The following FDFT1 variants were observed in gnomAD, a reference collection of about 807,000 sequenced individuals.
FDFT1 encodes the protein farnesyl-diphosphate farnesyltransferase 1.
FDFT1 carries 68 observed loss-of-function variants against 46.8 expected under a neutral mutation model. That is an observed-to-expected ratio of 1.45 (90% confidence interval 1.19 to 1.78). The LOEUF is 1.78. Among genes scored for constraint, FDFT1 ranks in the 40% most tolerant of loss-of-function variants. The pLI is 0.00. For synonymous variants in FDFT1, 351 were observed against 185.1 expected (o/e 1.90, Z -7.28); for missense variants, 928 against 524.4 (o/e 1.77, Z -7.52).
chr8:11,808,243 G>A (rs946801919), intron 1 of FDFT1: 3 of 1,200,278 alleles, frequency 2.5e-6, no homozygotes, highest in Admixed American at 4.4e-5. Context: ...TTTGGTCTAG[G>A]GAGACTCTGT....
chr8:11,808,507 C>A, intron 1 of FDFT1: 1 of 1,329,904 alleles, frequency 7.5e-7, no homozygotes, highest in South Asian at 2.1e-5. Flanking sequence ...TCCGCGGGGT[C>A]CGCGATTCCC....
intron 5 of FDFT1, among the ~76,000 whole-genome samples, chr8:11,828,565 C>A (rs1286792481): frequency 6.6e-6 from 1 of 152,250 alleles, no homozygotes; most frequent in East Asian, 1.9e-4. Context: ...ACATCAGCCA[C>A]GGGCATGTGA....
At chr8:11,800,421 A>G (rs1184030383), upstream of FDFT1, among the ~76,000 whole-genome samples, 3 of 151,842 alleles carry the variant, frequency 2.0e-5, no homozygotes, top group East Asian at 5.8e-4. Flanking sequence ...TGACTCGTCC[A>G]CCCCACTGCT....
intron 5 of FDFT1, among the ~76,000 whole-genome samples, chr8:11,829,968 C>G (rs1050066493): frequency 1.3e-5 from 2 of 152,192 alleles, no homozygotes; most frequent in Non-Finnish European, 2.9e-5. Context: ...CTGTCTCACC[C>G]TCCTGAGTAG....
At chr8:11,828,744 G>A (rs890470235) in intron 5 of FDFT1, among the ~76,000 whole-genome samples, 17 of 152,244 alleles carry the variant, frequency 1.1e-4, no homozygotes, top group East Asian at 3.8e-4. Context: ...TGGACATTTC[G>A]TAGTAGTTGA....
At chr8:11,799,993 G>A (rs1246408600), upstream of FDFT1, among the ~76,000 whole-genome samples, 3 of 149,850 alleles carry the variant, frequency 2.0e-5, no homozygotes, top group African/African-American at 7.4e-5. Flanking sequence ...GCTGGGCGCA[G>A]TGGCTTGCCT....
At chr8:11,825,118 G>A (rs1010829197) in intron 4 of FDFT1, among the ~76,000 whole-genome samples, 7 of 152,192 alleles carry the variant, frequency 4.6e-5, no homozygotes, top group African/African-American at 7.2e-5. Flanking sequence ...GAGGGCCTGC[G>A]GATCTTGACA....
At chr8:11,829,485 C>T (rs1306282881) in intron 5 of FDFT1, among the ~76,000 whole-genome samples, 1 of 152,236 alleles carries the variant, frequency 6.6e-6, no homozygotes, top group Non-Finnish European at 1.5e-5. Context: ...CAGCAGCTTT[C>T]TTACCAGAGT....
intron 1 of FDFT1, among the ~76,000 whole-genome samples, chr8:11,804,897 C>A (rs1806626023): frequency 6.8e-6 from 1 of 147,140 alleles, no homozygotes; most frequent in South Asian, 2.2e-4. Context: ...GCGTGAGCCA[C>A]TGCACCCGGC....
intron 1 of FDFT1, 147 bp downstream of exon 1, chr8:11,803,078 C>G (rs1319577093): frequency 1.4e-6 from 2 of 1,446,558 alleles, no homozygotes; most frequent in South Asian, 2.9e-5. Flanking sequence ...TTCCTCGAGC[C>G]TTCCCCCTGT....
At chr8:11,837,298 T>G (rs898857655) in intron 7 of FDFT1, among the ~76,000 whole-genome samples, 2 of 152,224 alleles carry the variant, frequency 1.3e-5, no homozygotes, top group Non-Finnish European at 2.9e-5. Flanking sequence ...TGGCATGATC[T>G]CGGATCACTG....
intron 1 of FDFT1, among the ~76,000 whole-genome samples, chr8:11,807,709 T>C (rs1807044005): frequency 6.6e-6 from 1 of 152,172 alleles, no homozygotes; most frequent in South Asian, 2.1e-4. Context: ...TAGGGAAGAG[T>C]AAAGGTCAGT....
intron 1 of FDFT1, chr8:11,808,015 G>C (rs1807085158): frequency 6.5e-6 from 1 of 153,540 alleles, no homozygotes; most frequent in Non-Finnish European, 1.4e-5. Flanking sequence ...GTGCATTCTT[G>C]CTGAAGGCAG....
chr8:11,821,719 G>A (rs778726479), intron 3 of FDFT1, 31 bp from the exon 4 acceptor site: 12 of 1,610,020 alleles, frequency 7.5e-6, no homozygotes, highest in Non-Finnish European at 1.0e-5. Context: ...CATATTTCAT[G>A]ATTTCTGTGT....
intron 3 of FDFT1, among the ~76,000 whole-genome samples, chr8:11,814,789 A>G (rs537456941): frequency 1.3e-5 from 2 of 150,464 alleles, no homozygotes; most frequent in East Asian, 3.9e-4. Flanking sequence ...CATAATATAA[A>G]TTGGGTAACT....
chr8:11,805,531 T>C (rs1460901674), intron 1 of FDFT1, among the ~76,000 whole-genome samples: 8 of 152,226 alleles, frequency 5.3e-5, no homozygotes, highest in African/African-American at 1.9e-4. Context: ...CGCTATTAAG[T>C]TAGGTGAACA....
chr8:11,807,337 C>CT (rs1055177138), intron 1 of FDFT1, among the ~76,000 whole-genome samples: 5 of 31,162 alleles, frequency 1.6e-4, no homozygotes, highest in African/African-American at 3.5e-4. Context: ...TTTTTAAAAA[C>CT]TTTTTTATGA....
At position 11,808,348 on chromosome 8, in the gene FDFT1, G is replaced by A. The variant is rs979584960; in HGVS notation, c.100-446G>A. Reference sequence around the variant, plus strand: ...AAGGGCAACAGCGGGAGGAGGCGCCGGTGCGGAGCGGGAGGCCGGGGGCGG... The same window carrying A: ...AAGGGCAACAGCGGGAGGAGGCGCCAGTGCGGAGCGGGAGGCCGGGGGCGG... On this transcript the variant is annotated intron_variant, in intron 1 of 7. Coordinates refer to ENST00000220584, the MANE Select transcript of FDFT1 (RefSeq NM_004462.5). 7 of 1,233,398 alleles carry A rather than the reference G, an allele frequency of 5.7e-6. No individual in the cohort carries two copies. The African/African-American group carries it at 9.3e-5, about 16-fold the overall frequency. The allele number at this position is 1,233,398 out of a possible 1,614,324, so 76.4% of individuals were successfully genotyped here.
intron 1 of FDFT1, among the ~76,000 whole-genome samples, chr8:11,807,669 C>G (rs1196462345): frequency 1.3e-5 from 2 of 152,222 alleles, no homozygotes; most frequent in African/African-American, 4.8e-5. Flanking sequence ...CTTTTTCTCC[C>G]TTTTGGAAAA....
Sources: allele counts gnomAD v4.1 joint callset (sites outside exome capture counted in the v4.1 genomes callset), GRCh38; gene constraint gnomAD v4.1.1; transcripts MANE v1.5; gene names NCBI Gene and HGNC (gene_info 2026-07-23, HGNC 2026-07-21).